OSTF1: variants seen among roughly 807,000 people sequenced by gnomAD.
The protein encoded by OSTF1 is osteoclast-stimulating factor 1.
Under a neutral mutation model 37.2 loss-of-function variants are expected in OSTF1, and 27 were observed. The ratio of observed to expected loss-of-function variants is 0.73; its 90% CI spans 0.54 to 1.00. The LOEUF is 1.00. Among genes scored for constraint, OSTF1 ranks in the 50% least tolerant of loss-of-function variants. The pLI is 0.00. For synonymous variants in OSTF1, 82 were observed against 89.2 expected (o/e 0.92, Z 0.46); for missense variants, 232 against 253.8 (o/e 0.91, Z 0.58).
chr9:75,120,203 C>T (rs1164633007), intron 2 of OSTF1, among the ~76,000 whole-genome samples: 1 of 152,086 alleles, frequency 6.6e-6, no homozygotes, highest in African/African-American at 2.4e-5. Context: ...GTTGGATCAT[C>T]GTATGTCAGG....
intron 9 of OSTF1, among the ~76,000 whole-genome samples, chr9:75,141,161 C>T (rs1473542541): frequency 6.6e-6 from 1 of 151,888 alleles, no homozygotes; most frequent in Non-Finnish European, 1.5e-5. Flanking sequence ...ATTAGTCAGA[C>T]ATTGTGGTGT....
chr9:75,100,547 T>C (rs1043456546), intron 1 of OSTF1, among the ~76,000 whole-genome samples: 5 of 151,946 alleles, frequency 3.3e-5, no homozygotes, highest in Admixed American at 3.3e-4. Flanking sequence ...CTGGCCAACA[T>C]GGCGAAACCC....
intron 1 of OSTF1, among the ~76,000 whole-genome samples, chr9:75,113,435 TTC>T (rs893787330): frequency 2.6e-5 from 4 of 152,152 alleles, no homozygotes; most frequent in African/African-American, 9.6e-5. Context: ...GTCTGCAATA[TTC>T]TTTTTTTTTT....
At chr9:75,103,669 G>A (rs1344603332) in intron 1 of OSTF1, among the ~76,000 whole-genome samples, 1 of 152,082 alleles carries the variant, frequency 6.6e-6, no homozygotes, top group Non-Finnish European at 1.5e-5. Flanking sequence ...CTGGAGTGCC[G>A]GAGTGCCAGG....
chr9:75,129,346 G>T (rs916748650), intron 3 of OSTF1, among the ~76,000 whole-genome samples: 6 of 152,102 alleles, frequency 3.9e-5, no homozygotes, highest in Non-Finnish European at 5.9e-5. Context: ...TCTTACCTGG[G>T]CAATCTGAGA....
At chr9:75,141,985 C>T (rs2118637431) in intron 9 of OSTF1, among the ~76,000 whole-genome samples, 1 of 152,248 alleles carries the variant, frequency 6.6e-6, no homozygotes, top group Non-Finnish European at 1.5e-5. Flanking sequence ...TGGACTCAAG[C>T]CATCCTCCTG....
rs1389904628 is a variant in OSTF1, at chr9:75,088,591, G to C, written c.-102G>C. The C allele has an allele frequency of 1.5e-6, 2 of 1,300,606 alleles. No homozygotes were observed. The highest frequency in any genetic ancestry group is 2.2e-6 in the Non-Finnish European group (2 of 917,924). 80.6% of individuals were successfully genotyped at this position (1,300,606 alleles called of 1,614,324 possible). A position where few individuals can be genotyped will look rare whatever the true frequency, so the allele number is the denominator to read the frequency against. On this transcript the variant is annotated 5_prime_UTR_variant, in exon 1 of 10. Coordinates refer to ENST00000346234, the MANE Select transcript of OSTF1 (RefSeq NM_012383.5). ...CGCCGGTCCTAGGAGGCGCACGGTT[G>C]TAAGCCAGACAAAAAGAACTGGGGT...
chr9:75,135,055 G>T (rs544155482), intron 7 of OSTF1, among the ~76,000 whole-genome samples: 6 of 152,194 alleles, frequency 3.9e-5, no homozygotes, highest in African/African-American at 1.4e-4. Context: ...GAGCAGCTTG[G>T]TCCCTGTGGC....
chr9:75,138,434 A>G (rs576297937), intron 8 of OSTF1, among the ~76,000 whole-genome samples: 39 of 152,324 alleles, frequency 2.6e-4, no homozygotes, highest in African/African-American at 9.1e-4. Context: ...GATGCCTAAT[A>G]TGGCAGCCAC....
intron 9 of OSTF1, among the ~76,000 whole-genome samples, chr9:75,141,611 G>C (rs990714855): frequency 3.9e-5 from 6 of 151,956 alleles, no homozygotes; most frequent in African/African-American, 1.5e-4. Flanking sequence ...ACATTTAATA[G>C]CTCCATGATT....
Position 75,146,600 on chromosome 9 carries a change from T to TTGAAATGAAAAAA in OSTF1, c.587-82_587-81insGAAATGAAAAAAT, listed in dbSNP as rs1826028683. ...GTCAGATGGAAGATTCTATTCTAATTTAAGAGCTTTGAAAATGAAAAAATA... is the reference window on the plus strand; with the variant it reads ...GTCAGATGGAAGATTCTATTCTAATTTGAAATGAAAAAATAAGAGCTTTGAAAATGAAAAAATA... On this transcript the variant is annotated intron_variant, in intron 9 of 9. Coordinates refer to ENST00000346234, the MANE Select transcript of OSTF1 (RefSeq NM_012383.5). 3.3e-6 allele frequency: 3 copies of TTGAAATGAAAAAA among 909,588 alleles called. No homozygotes were observed. The African/African-American group carries it at 5.0e-5, about 15-fold the overall frequency. 56.3% of individuals were successfully genotyped at this position (909,588 alleles called of 1,614,324 possible).
intron 1 of OSTF1, among the ~76,000 whole-genome samples, chr9:75,105,635 G>A (rs1213485493): frequency 7.2e-6 from 1 of 138,298 alleles, no homozygotes; most frequent in Non-Finnish European, 1.6e-5. Flanking sequence ...CATGATCAGG[G>A]TAACTTTTTT....
rs373501600 is a variant in OSTF1 at position 75,089,846 on chromosome 9, T to C, written c.34+1120T>C. Among the ~76,000 whole-genome samples the C allele has an allele frequency of 7.9e-5, 12 of 152,238 alleles. No homozygotes were observed. The South Asian group carries it at 1.7e-3, about 21-fold the overall frequency. On this transcript the variant is annotated intron_variant, in intron 1 of 9. Coordinates refer to ENST00000346234, the MANE Select transcript of OSTF1 (RefSeq NM_012383.5). Reference sequence around the variant, plus strand: ...CTAAACTCTATAGCTTTCATACTTATCTAGTTTTGTTTCTTTGCGTTCCTG... The same window carrying C: ...CTAAACTCTATAGCTTTCATACTTACCTAGTTTTGTTTCTTTGCGTTCCTG...
At chr9:75,103,633 T>C (rs1825234045) in intron 1 of OSTF1, among the ~76,000 whole-genome samples, 1 of 152,218 alleles carries the variant, frequency 6.6e-6, no homozygotes, top group Non-Finnish European at 1.5e-5. Context: ...TTTTTAATTA[T>C]GGTAATTCCC....
chr9:75,109,001 T>C (rs2118466100), intron 1 of OSTF1, among the ~76,000 whole-genome samples: 1 of 152,104 alleles, frequency 6.6e-6, no homozygotes, highest in South Asian at 2.1e-4. Flanking sequence ...ATTATTTTTT[T>C]GGATAAAATC....
rs545740714 is a variant in OSTF1, at chr9:75,136,003, C to A, written c.409-1535C>A. On this transcript the variant is annotated intron_variant, in intron 7 of 9. Coordinates refer to ENST00000346234, the MANE Select transcript of OSTF1 (RefSeq NM_012383.5). ...GCCCACCTGGTTAGGTCAGGCCCAC[C>A]TGGGATAATGTCCCTTTTGAAGAAT... 9.2e-5 allele frequency among the ~76,000 whole-genome samples: 14 copies of A among 152,312 alleles called. No individual in the cohort carries two copies. In the East Asian group the frequency reaches 2.3e-3, roughly 25 times the overall value.
At chr9:75,099,100 C>A (rs1421788989) in intron 1 of OSTF1, among the ~76,000 whole-genome samples, 1 of 152,062 alleles carries the variant, frequency 6.6e-6, no homozygotes, top group Non-Finnish European at 1.5e-5. Context: ...CCATGCCCAG[C>A]TACTTTTTTG....
At chr9:75,141,377 A>G (rs1825942098) in intron 9 of OSTF1, among the ~76,000 whole-genome samples, 1 of 148,488 alleles carries the variant, frequency 6.7e-6, no homozygotes, top group South Asian at 2.1e-4. Flanking sequence ...TTGTTTCAAT[A>G]TCCTTGATCT....
At chr9:75,132,388 C>G (rs965477581) in intron 5 of OSTF1, among the ~76,000 whole-genome samples, 1 of 152,150 alleles carries the variant, frequency 6.6e-6, no homozygotes. Context: ...ATCAGTAGTC[C>G]TCAGCTAGGG....
Sources: allele counts gnomAD v4.1 joint callset (sites outside exome capture counted in the v4.1 genomes callset), GRCh38; gene constraint gnomAD v4.1.1; transcripts MANE v1.5; gene names NCBI Gene and HGNC (gene_info 2026-07-23, HGNC 2026-07-21).